The following CADM2 variants were observed in gnomAD, a reference collection of about 807,000 sequenced individuals.
The protein encoded by CADM2 is immunoglobulin superfamily member 4D.
A neutral mutation model predicts 49.8 loss-of-function variants in CADM2; 12 were observed. The observed-to-expected ratio is 0.24, with a 90% confidence interval of 0.15 to 0.39. The LOEUF (loss-of-function observed/expected upper bound fraction) is 0.39, where lower values mean the gene tolerates loss of function less well. Ranked by LOEUF, CADM2 falls within the 10% of genes least tolerant of loss-of-function variation. The probability of loss-of-function intolerance (pLI) is 1.00; values close to 1 mark genes in which losing one functional copy is unlikely to be tolerated. For missense variants in CADM2, 378 were observed against 492.3 expected, an observed-to-expected ratio of 0.77 and a Z score of 2.20; for synonymous variants, 214 against 175.4, an observed-to-expected ratio of 1.22 and a Z score of -1.74.
chr3:85,195,542 GACACACACACACACACAC>G (rs71108270), intron 1 of CADM2, among the ~76,000 whole-genome samples: 1 of 146,874 alleles, frequency 6.8e-6, no homozygotes, highest in Non-Finnish European at 1.5e-5. Context: ...AAACCAGCAA[GACACACACACACACACAC>G]ACACACACAC....
intron 1 of CADM2, among the ~76,000 whole-genome samples, chr3:85,131,398 ATAGT>A (rs2039224068): frequency 6.6e-6 from 1 of 152,210 alleles, no homozygotes; most frequent in Non-Finnish European, 1.5e-5. Flanking sequence ...TTTATTGAAA[ATAGT>A]TATTCTTTCC....
At chr3:85,944,419 G>A (rs2108565465) in intron 7 of CADM2, among the ~76,000 whole-genome samples, 1 of 152,090 alleles carries the variant, frequency 6.6e-6, no homozygotes, top group East Asian at 1.9e-4. Flanking sequence ...GCACCAAGGA[G>A]ACCTAATAGA....
chr3:86,062,009 A>G (rs1170115629), intron 8 of CADM2, among the ~76,000 whole-genome samples: 1 of 151,824 alleles, frequency 6.6e-6, no homozygotes, highest in Non-Finnish European at 1.5e-5. Context: ...GAATTTGTAC[A>G]ATTTTTTGGC....
chr3:85,325,487 G>A (rs1180798279), intron 1 of CADM2, among the ~76,000 whole-genome samples: 4 of 152,008 alleles, frequency 2.6e-5, no homozygotes, highest in South Asian at 4.2e-4. Flanking sequence ...CGAGGCAGGC[G>A]GATCATGAGG....
chr3:85,004,816 AT>A (rs1200646690), intron 1 of CADM2, among the ~76,000 whole-genome samples: 3 of 152,124 alleles, frequency 2.0e-5, no homozygotes, highest in Admixed American at 1.3e-4. Flanking sequence ...GTGTTCATGG[AT>A]TTTAAGCAGT....
chr3:85,795,610 A>G (rs2071573153), intron 2 of CADM2, among the ~76,000 whole-genome samples: 1 of 152,182 alleles, frequency 6.6e-6, no homozygotes, highest in Admixed American at 6.5e-5. Flanking sequence ...AATATCTGGC[A>G]TGTAGAGGAC....
intron 1 of CADM2, among the ~76,000 whole-genome samples, chr3:85,302,683 CG>C (rs2044129358): frequency 6.6e-6 from 1 of 151,888 alleles, no homozygotes; most frequent in African/African-American, 2.4e-5. Flanking sequence ...CATACATATG[CG>C]GCCATGTTTT....
At chr3:85,253,577 CTT>C (rs776210448) in intron 1 of CADM2, among the ~76,000 whole-genome samples, 5 of 152,056 alleles carry the variant, frequency 3.3e-5, no homozygotes, top group Non-Finnish European at 5.9e-5. Context: ...TGCATTTTCT[CTT>C]TGTTGAACTG....
intron 1 of CADM2, among the ~76,000 whole-genome samples, chr3:85,286,515 T>G (rs931176992): frequency 6.6e-6 from 1 of 152,134 alleles, no homozygotes; most frequent in African/African-American, 2.4e-5. Context: ...CCAAATGTCT[T>G]AAATTAGGTA....
chr3:85,400,391 G>C (rs2035037730), intron 1 of CADM2, among the ~76,000 whole-genome samples: 1 of 152,180 alleles, frequency 6.6e-6, no homozygotes, highest in African/African-American at 2.4e-5. Flanking sequence ...GTTCATCAGG[G>C]ATATTGGTCT....
intron 8 of CADM2, among the ~76,000 whole-genome samples, chr3:85,977,796 T>C (rs1198193879): frequency 6.6e-6 from 1 of 151,532 alleles, no homozygotes; most frequent in Non-Finnish European, 1.5e-5. Flanking sequence ...GTTGTTTTCT[T>C]AATCTGACTG....
chr3:85,726,655 C>A (rs895444195), intron 2 of CADM2, 107 bp downstream of exon 2: 1 of 783,770 alleles, frequency 1.3e-6, no homozygotes, highest in Non-Finnish European at 2.2e-6. Context: ...AATACTATTT[C>A]AGTGTATAGA....
In CADM2 at chr3:85,563,342, AT is replaced by A. The variant is rs147731235; in HGVS notation, c.62-163176del. On this transcript the variant is annotated intron_variant, in intron 1 of 9. Transcript: ENST00000383699. ...CACTTACTTACCTCTTCATACAACC[AT>A]TTTATATCTCTTGTAACCTAGAAAA... Among the ~76,000 whole-genome samples the A allele has an allele frequency of 8.8e-3, 1,314 of 148,738 alleles. 20 individuals are homozygous for A. The highest frequency in any genetic ancestry group is 0.029 in the African/African-American group (1,191 of 41,074).
intron 2 of CADM2, among the ~76,000 whole-genome samples, chr3:85,772,666 A>G (rs184355512): frequency 7.4e-4 from 113 of 152,218 alleles, no homozygotes; most frequent in Non-Finnish European, 1.5e-3. Flanking sequence ...TGGCATTCAG[A>G]GATTAACCAA....
At chr3:85,687,694 T>C (rs905887780) in intron 1 of CADM2, among the ~76,000 whole-genome samples, 13 of 152,184 alleles carry the variant, frequency 8.5e-5, no homozygotes, top group Non-Finnish European at 4.4e-5. Context: ...TGTGTCGATA[T>C]GCAAACATGA....
chr3:85,119,495 C>T (rs2038773521), intron 1 of CADM2, among the ~76,000 whole-genome samples: 12 of 152,056 alleles, frequency 7.9e-5, no homozygotes. Context: ...TTTTTGGTTC[C>T]ATATGAAATT....
intron 1 of CADM2, among the ~76,000 whole-genome samples, chr3:85,522,069 A>T (rs79744916): frequency 6.6e-6 from 1 of 152,104 alleles, no homozygotes; most frequent in South Asian, 2.1e-4. Context: ...TTTCCTTTGT[A>T]TTTTTGTAGA....
At chr3:85,308,340 C>CACA in intron 1 of CADM2, among the ~76,000 whole-genome samples, 1 of 149,246 alleles carries the variant, frequency 6.7e-6, no homozygotes, top group South Asian at 2.1e-4. Flanking sequence ...CACACACACA[C>CACA]AACACTCCAT....
In CADM2 at chr3:86,073,365, C is replaced by T. The variant is rs959542471; in HGVS notation, c.*6582C>T. The T allele has an allele frequency of 6.6e-6, 1 of 151,844 alleles. No individual in the cohort carries two copies. Among genetic ancestry groups the T allele is most frequent in the East Asian group, 1.9e-4 (1 of 5,176 alleles). 9.4% of individuals were successfully genotyped at this position (151,844 alleles called of 1,614,324 possible). ...AGATCCAACAAATTAACCATATAAGCACAGAAAATAGAGAAACACAGTTAT... is the reference window on the plus strand; with the variant it reads ...AGATCCAACAAATTAACCATATAAGTACAGAAAATAGAGAAACACAGTTAT... On this transcript the variant is annotated 3_prime_UTR_variant, in exon 10 of 10. Transcript: ENST00000383699.
Sources: gnomAD v4.1 joint callset for allele counts (sites outside exome capture counted in the v4.1 genomes callset) on GRCh38, gnomAD v4.1.1 for gene constraint, MANE v1.5 for transcripts, NCBI Gene and HGNC (gene_info 2026-07-23, HGNC 2026-07-21) for gene names.